Variants in BEND6 observed in about 807,000 individuals in gnomAD.
The protein encoded by BEND6 is BEN domain containing 6, also known as BEN domain-containing protein 6.
BEND6 carries 24 observed loss-of-function variants against 31.8 expected under a neutral mutation model. That is an observed-to-expected ratio of 0.75 (90% CI 0.55 to 1.06). The LOEUF (loss-of-function observed/expected upper bound fraction) is 1.06. Among genes scored for constraint, BEND6 ranks in the 50% least tolerant of loss-of-function variants. BEND6 has a pLI of 0.00. For missense variants in BEND6, 294 were observed against 327.4 expected (o/e 0.90, Z 0.79); for synonymous variants, 109 against 114.6 (o/e 0.95, Z 0.31).
rs1827643548 is a variant in BEND6, at chr6:57,018,613, T to C, written c.*9+56T>C. On this transcript the variant is annotated intron_variant, in intron 6 of 6. Coordinates refer to ENST00000370746, the MANE Select transcript of BEND6 (RefSeq NM_152731.3). ...TGTGGCAAGAAAATGTCATAATACTTTTATTTTATTGGAATAGCATTTTCC... is the reference window on the plus strand; with the variant it reads ...TGTGGCAAGAAAATGTCATAATACTCTTATTTTATTGGAATAGCATTTTCC... 3 of 1,361,220 alleles carry C rather than the reference T, an allele frequency of 2.2e-6. No individual in the cohort carries two copies. The East Asian group carries it at 8.2e-5, about 37-fold the overall frequency. 84.3% of individuals were successfully genotyped at this position (1,361,220 alleles called of 1,614,324 possible).
intron 3 of BEND6, among the ~76,000 whole-genome samples, chr6:56,997,345 C>T (rs1826758370): frequency 6.6e-6 from 1 of 152,156 alleles, no homozygotes. Flanking sequence ...TTCTCCTCCC[C>T]TGTTTTGTTT....
At chr6:57,019,653 T>C (rs2167460) in intron 6 of BEND6, among the ~76,000 whole-genome samples, 110,374 of 152,072 alleles carry the variant, frequency 0.73, 40,875 homozygotes, top group South Asian at 0.9. Context: ...TCTATTTTGC[T>C]ACACAACTAA....
intron 6 of BEND6, among the ~76,000 whole-genome samples, chr6:57,024,694 G>A (rs546576577): frequency 6.6e-6 from 1 of 152,264 alleles, no homozygotes; most frequent in Non-Finnish European, 1.5e-5. Context: ...AGTCTTATTT[G>A]AGTTGAATGT....
At chr6:57,011,609 TTGGGAGACTGCGG>T in intron 3 of BEND6, among the ~76,000 whole-genome samples, 1 of 148,482 alleles carries the variant, frequency 6.7e-6, no homozygotes, top group East Asian at 2.0e-4. Flanking sequence ...ACCCAGCTAC[TTGGGAGACTGCGG>T]TGGGAGGATT....
At chr6:56,998,054 G>GA (rs1826790968) in intron 3 of BEND6, among the ~76,000 whole-genome samples, 1 of 152,102 alleles carries the variant, frequency 6.6e-6, no homozygotes, top group South Asian at 2.1e-4. Context: ...GTTGAATGGT[G>GA]AAAGGTGCTA....
chr6:57,018,568 TA>T lies in BEND6; in HGVS notation c.*9+14del, dbSNP rs1827641806. 6.7e-7 allele frequency: 1 copy of T among 1,501,158 alleles called. No homozygotes were observed. The highest frequency in any genetic ancestry group is 2.6e-5 in the Admixed American group (1 of 38,992). The allele number at this position is 1,501,158 out of a possible 1,614,324, so 93.0% of individuals were successfully genotyped here. A position where few individuals can be genotyped will look rare whatever the true frequency, so the allele number is the denominator to read the frequency against. ...AAATAGATCCTTTTGGTAAGTCTTTTAAATCTTCAGTCCTTTCAATGTGGCA... is the reference window on the plus strand; with the variant it reads ...AAATAGATCCTTTTGGTAAGTCTTTTAATCTTCAGTCCTTTCAATGTGGCA... On this transcript the variant is annotated intron_variant, in intron 6 of 6. Coordinates refer to ENST00000370746, the MANE Select transcript of BEND6 (RefSeq NM_152731.3).
chr6:56,973,757 AT>A (rs892298307), intron 1 of BEND6, among the ~76,000 whole-genome samples: 17 of 151,944 alleles, frequency 1.1e-4, no homozygotes, highest in Non-Finnish European at 1.3e-4. Flanking sequence ...TAAACTTACA[AT>A]TTTTTTCTTT....
intron 2 of BEND6, among the ~76,000 whole-genome samples, chr6:56,987,604 C>A (rs1197733894): frequency 1.3e-5 from 2 of 152,172 alleles, no homozygotes; most frequent in Admixed American, 6.5e-5. Flanking sequence ...CCCTAAAGGG[C>A]AGGGGCAAGA....
intron 1 of BEND6, among the ~76,000 whole-genome samples, chr6:56,979,505 T>C (rs947970774): frequency 1.3e-5 from 2 of 152,200 alleles, no homozygotes; most frequent in Non-Finnish European, 2.9e-5. Flanking sequence ...TACCTATCAA[T>C]GTAAAAGACA....
chr6:57,023,222 T>C (rs1318297045), intron 6 of BEND6, among the ~76,000 whole-genome samples: 1 of 152,218 alleles, frequency 6.6e-6, no homozygotes, highest in African/African-American at 2.4e-5. Context: ...GAGTGAGGTG[T>C]TGAAGTTCCT....
chr6:56,985,493 C>T (rs1211439520), intron 2 of BEND6, among the ~76,000 whole-genome samples: 1 of 152,130 alleles, frequency 6.6e-6, no homozygotes, highest in Non-Finnish European at 1.5e-5. Context: ...CATGCCTTCC[C>T]ATCTGCTAAT....
intron 6 of BEND6, among the ~76,000 whole-genome samples, chr6:57,020,607 G>A (rs1036823968): frequency 3.3e-5 from 5 of 151,926 alleles, no homozygotes; most frequent in African/African-American, 1.2e-4. Context: ...TTTTAGTAGA[G>A]ACGGGGGTTT....
intron 6 of BEND6, among the ~76,000 whole-genome samples, chr6:57,025,259 G>C (rs1326586030): frequency 6.6e-6 from 1 of 152,076 alleles, no homozygotes; most frequent in East Asian, 1.9e-4. Context: ...TTTCCTGTTT[G>C]CTATTATTTC....
chr6:57,020,711 C>T (rs185310908), intron 6 of BEND6, among the ~76,000 whole-genome samples: 356 of 152,174 alleles, frequency 2.3e-3, no homozygotes, highest in Non-Finnish European at 3.5e-3. Flanking sequence ...CGTGAGCCAC[C>T]GTGACCGGCA....
At chr6:56,956,446 T>C (rs1210872638) in intron 1 of BEND6, among the ~76,000 whole-genome samples, 1 of 152,238 alleles carries the variant, frequency 6.6e-6, no homozygotes, top group Non-Finnish European at 1.5e-5. Flanking sequence ...TTACCGTGTG[T>C]AAGTATTAAA....
At chr6:56,981,263 G>GA (rs1402435413) in intron 1 of BEND6, among the ~76,000 whole-genome samples, 5 of 151,606 alleles carry the variant, frequency 3.3e-5, no homozygotes, top group Non-Finnish European at 7.4e-5. Context: ...ACTTTTAGGG[G>GA]AAAAAAAACC....
At chr6:56,974,475 G>A (rs1377965933) in intron 1 of BEND6, among the ~76,000 whole-genome samples, 3 of 152,194 alleles carry the variant, frequency 2.0e-5, no homozygotes, top group African/African-American at 7.2e-5. Context: ...TAAACTTGAA[G>A]TATCAGTGTT....
intron 2 of BEND6, among the ~76,000 whole-genome samples, chr6:56,984,418 A>G (rs1351605469): frequency 1.3e-5 from 2 of 152,162 alleles, no homozygotes; most frequent in Admixed American, 6.6e-5. Flanking sequence ...AGAGGTTCCC[A>G]TATTTGTACT....
chr6:57,008,346 G>T, intron 3 of BEND6: 1 of 643,596 alleles, frequency 1.6e-6, no homozygotes, highest in South Asian at 1.8e-5. Flanking sequence ...GGCTACTACT[G>T]ATCATGTTTC....
Sources: allele counts gnomAD v4.1 joint callset (sites outside exome capture counted in the v4.1 genomes callset), GRCh38; gene constraint gnomAD v4.1.1; transcripts MANE v1.5; gene names NCBI Gene and HGNC (gene_info 2026-07-23, HGNC 2026-07-21).